SLC39A9: variants seen among roughly 807,000 people sequenced by gnomAD.
SLC39A9 encodes the protein solute carrier family 39 member 9, also known as zinc transporter ZIP9.
In SLC39A9, 14 loss-of-function variants were observed where a neutral mutation model predicts 28.4. That is an observed-to-expected ratio of 0.49 (90% confidence interval 0.33 to 0.77). The LOEUF (loss-of-function observed/expected upper bound fraction) is 0.77. SLC39A9 is among the 30% of genes least tolerant of loss of function. The probability of loss-of-function intolerance (pLI) is 0.02; values close to 1 mark genes in which losing one functional copy is unlikely to be tolerated. For synonymous variants in SLC39A9, 119 were observed against 149.6 expected (o/e 0.80, Z 1.49); for missense variants, 283 against 381.1 (o/e 0.74, Z 2.14).
At chr14:69,438,359 C>T (rs1178274279) in intron 2 of SLC39A9, among the ~76,000 whole-genome samples, 1 of 152,116 alleles carries the variant, frequency 6.6e-6, no homozygotes, top group African/African-American at 2.4e-5. Context: ...AACTTTTCTT[C>T]GTACTTCAAG....
At chr14:69,434,815 C>T (rs1033970158) in intron 2 of SLC39A9, among the ~76,000 whole-genome samples, 8 of 151,988 alleles carry the variant, frequency 5.3e-5, no homozygotes, top group East Asian at 1.9e-4. Flanking sequence ...CTCTTTTACC[C>T]GTGTGTTACT....
In SLC39A9 at chr14:69,461,725, C is replaced by T. The variant is rs1353405410; in HGVS notation, c.*3132C>T. Reference sequence around the variant, plus strand: ...TAGAACTAAGAGGACACACCAGCATCGGAGTGTATTAAGCCCCTGAAACAC... The same window carrying T: ...TAGAACTAAGAGGACACACCAGCATTGGAGTGTATTAAGCCCCTGAAACAC... On this transcript the variant is annotated 3_prime_UTR_variant, in exon 7 of 7. Transcript: ENST00000336643. 7 of 1,535,718 alleles carry T rather than the reference C, an allele frequency of 4.6e-6. No homozygotes were observed. Among genetic ancestry groups the T allele is most frequent in the East Asian group, 2.4e-5 (1 of 40,926 alleles).
At chr14:69,409,307 C>T (rs1883117977) in intron 1 of SLC39A9, among the ~76,000 whole-genome samples, 1 of 152,040 alleles carries the variant, frequency 6.6e-6, no homozygotes, top group Admixed American at 6.6e-5. Context: ...TAAGCATTTT[C>T]CTTTATTCTT....
At chr14:69,454,584 G>C (rs1458799361) in intron 4 of SLC39A9, 2 of 379,768 alleles carry the variant, frequency 5.3e-6, no homozygotes, top group Admixed American at 4.5e-5. Context: ...AATACTCTGG[G>C]CCAGATGCTA....
chr14:69,460,478 C>T lies in SLC39A9; in HGVS notation c.*1885C>T. 1 of 985,380 alleles carries T rather than the reference C, an allele frequency of 1.0e-6. No homozygotes were observed. Among genetic ancestry groups the T allele is most frequent in the Non-Finnish European group, 1.2e-6 (1 of 829,916 alleles). The allele number at this position is 985,380 out of a possible 1,614,324, so 61.0% of individuals were successfully genotyped here. ...TGTGAGACTTGAGGTTTCATCTAGT[C>T]CTTCAAAACTATATGGTTGCCTAGA... is the stretch of plus-strand genomic sequence containing the variant. On this transcript the variant is annotated 3_prime_UTR_variant, in exon 7 of 7. Coordinates refer to ENST00000336643, the MANE Select transcript of SLC39A9 (RefSeq NM_018375.5).
intron 1 of SLC39A9, among the ~76,000 whole-genome samples, chr14:69,422,899 T>C (rs1212794655): frequency 6.6e-6 from 1 of 152,222 alleles, no homozygotes; most frequent in Non-Finnish European, 1.5e-5. Context: ...TAGGGTATAC[T>C]GCTGCTTCAA....
At chr14:69,425,513 A>C (rs188049747) in intron 2 of SLC39A9, among the ~76,000 whole-genome samples, 1 of 152,340 alleles carries the variant, frequency 6.6e-6, no homozygotes, top group Admixed American at 6.5e-5. Context: ...TATTTTTAAC[A>C]AGCTGTCTGC....
chr14:69,448,069 G>A lies in SLC39A9; in HGVS notation c.404-5172G>A, dbSNP rs372355479. ...CTCTACTAAAAATACAAAAAAATTA[G>A]CCAGGCGTGTTGGCGGGCGTCTGTA... is the stretch of plus-strand genomic sequence containing the variant. On this transcript the variant is annotated intron_variant, in intron 3 of 6. Coordinates refer to ENST00000336643, the MANE Select transcript of SLC39A9 (RefSeq NM_018375.5). 2.2e-4 allele frequency among the ~76,000 whole-genome samples: 34 copies of A among 151,898 alleles called. No individual in the cohort carries two copies. The East Asian group carries it at 5.4e-3, about 24-fold the overall frequency.
intron 6 of SLC39A9, among the ~76,000 whole-genome samples, chr14:69,457,378 T>C (rs372968515): frequency 6.6e-6 from 1 of 151,576 alleles, no homozygotes; most frequent in South Asian, 2.1e-4. Context: ...AATTTTTGTA[T>C]TTTTAGTAGA....
At chr14:69,454,984 G>T in intron 5 of SLC39A9, 87 bp downstream of exon 5, 2 of 963,458 alleles carry the variant, frequency 2.1e-6, no homozygotes, top group South Asian at 3.1e-5. Flanking sequence ...CCTGGAATGG[G>T]AACATTTTCT....
intron 1 of SLC39A9, among the ~76,000 whole-genome samples, chr14:69,408,405 G>A (rs1329591158): frequency 6.6e-6 from 1 of 152,190 alleles, no homozygotes; most frequent in Non-Finnish European, 1.5e-5. Context: ...ATAGAGGTAG[G>A]TAATGGATCA....
rs1235838730 is a variant in SLC39A9 at position 69,461,207 on chromosome 14, T to G, written c.*2614T>G. On this transcript the variant is annotated 3_prime_UTR_variant, in exon 7 of 7. Coordinates refer to ENST00000336643, the MANE Select transcript of SLC39A9 (RefSeq NM_018375.5). ...ATTCTTGCTTCCATATAACCAAAGT[T>G]AATCTTAATTGCAATTTGACTCCGT... is the stretch of plus-strand genomic sequence containing the variant. 33 of 988,048 alleles carry G rather than the reference T, an allele frequency of 3.3e-5. No individual in the cohort carries two copies. Among genetic ancestry groups the G allele is most frequent in the Non-Finnish European group, 3.8e-5 (32 of 831,646 alleles). The allele number at this position is 988,048 out of a possible 1,614,324, so 61.2% of individuals were successfully genotyped here. A position where few individuals can be genotyped will look rare whatever the true frequency, so the allele number is the denominator to read the frequency against.
intron 1 of SLC39A9, among the ~76,000 whole-genome samples, chr14:69,401,709 A>G (rs984146579): frequency 2.0e-5 from 3 of 152,218 alleles, no homozygotes; most frequent in African/African-American, 7.2e-5. Context: ...TGGCTTTCTT[A>G]AATTGACGGT....
At chr14:69,407,853 G>C (rs1164607323) in intron 1 of SLC39A9, among the ~76,000 whole-genome samples, 12 of 145,340 alleles carry the variant, frequency 8.3e-5, no homozygotes, top group Admixed American at 4.1e-4. Flanking sequence ...GGTCAGGCTA[G>C]TCTTGAACTC....
intron 2 of SLC39A9, among the ~76,000 whole-genome samples, chr14:69,436,037 C>T (rs769245134): frequency 1.3e-5 from 2 of 152,070 alleles, no homozygotes; most frequent in Non-Finnish European, 2.9e-5. Flanking sequence ...TTTTTCAGTT[C>T]TAAAATTTCC....
At chr14:69,448,214 C>CA (rs34195562) in intron 3 of SLC39A9, among the ~76,000 whole-genome samples, 64,892 of 87,218 alleles carry the variant, frequency 0.74, 25,478 homozygotes, top group Admixed American at 0.79. Flanking sequence ...GACTCTGTCT[C>CA]AAAAAAAAAA....
At chr14:69,417,831 CTT>C (rs2140265945) in intron 1 of SLC39A9, among the ~76,000 whole-genome samples, 2 of 152,266 alleles carry the variant, frequency 1.3e-5, no homozygotes, top group African/African-American at 4.8e-5. Flanking sequence ...TATCCTGAGA[CTT>C]TGCTGAAGTT....
At chr14:69,419,848 T>G (rs1428813854) in intron 1 of SLC39A9, among the ~76,000 whole-genome samples, 1 of 152,230 alleles carries the variant, frequency 6.6e-6, no homozygotes, top group Admixed American at 6.5e-5. Context: ...TCCATTTGCT[T>G]GGTAGATCTT....
intron 1 of SLC39A9, 116 bp from the exon 2 acceptor site, chr14:69,423,978 A>AT (rs1372915814): frequency 1.5e-6 from 1 of 650,386 alleles, no homozygotes. Flanking sequence ...TTCGCTGTCT[A>AT]TTGTAGATGT....
Sources: gnomAD v4.1 joint callset for allele counts (sites outside exome capture counted in the v4.1 genomes callset) on GRCh38, gnomAD v4.1.1 for gene constraint, MANE v1.5 for transcripts, NCBI Gene and HGNC (gene_info 2026-07-23, HGNC 2026-07-21) for gene names.